The following EIF2A variants were observed in gnomAD, a reference collection of about 807,000 sequenced individuals.
The protein encoded by EIF2A is eukaryotic translation initiation factor 2A.
A neutral mutation model predicts 75.2 loss-of-function variants in EIF2A; 62 were observed. The observed-to-expected ratio is 0.82, with a 90% CI of 0.67 to 1.02. The LOEUF (loss-of-function observed/expected upper bound fraction) is 1.02, where lower values mean the gene tolerates loss of function less well. Ranked by LOEUF, EIF2A falls within the 50% of genes least tolerant of loss-of-function variation. The probability of loss-of-function intolerance (pLI) is 0.00; values close to 1 mark genes in which losing one functional copy is unlikely to be tolerated. For missense variants in EIF2A, 611 were observed against 677.7 expected (o/e 0.90, Z 1.09); for synonymous variants, 207 against 239.0 (o/e 0.87, Z 1.23).
Position 150,563,570 on chromosome 3 carries a change from TG to T in EIF2A, c.351del (p.Thr118HisfsTer3). On this transcript the variant is annotated frameshift_variant, in exon 5 of 14. Transcript: ENST00000460851. LOFTEE classifies it high-confidence loss of function. ...PNLQLYDVKT[G>X]TCLKSFIQKK... is the part of the protein sequence containing the mutation. ...ACCTACAACTTTATGATGTGAAAACTGGGACATGTTTGAAATCTTTCATCCA... is the reference window on the plus strand; with the variant it reads ...ACCTACAACTTTATGATGTGAAAACTGGACATGTTTGAAATCTTTCATCCA... The T allele has an allele frequency of 6.5e-7, 1 of 1,542,634 alleles. No individual in the cohort carries two copies. Among genetic ancestry groups the T allele is most frequent in the Non-Finnish European group, 8.7e-7 (1 of 1,145,224 alleles).
At chr3:150,561,795 A>T (rs1291006000) in intron 3 of EIF2A, among the ~76,000 whole-genome samples, 4 of 143,434 alleles carry the variant, frequency 2.8e-5, no homozygotes, top group Admixed American at 6.9e-5. Context: ...TAAAATATAC[A>T]TTTTTTTTTT....
In EIF2A at chr3:150,585,160, C is replaced by A. The variant is rs1725402390; in HGVS notation, c.*1249C>A. 6.6e-6 allele frequency among the ~76,000 whole-genome samples: 1 copy of A among 152,172 alleles called. No individual in the cohort carries two copies. The highest frequency in any genetic ancestry group is 1.5e-5 in the Non-Finnish European group (1 of 68,040). On this transcript the variant is annotated 3_prime_UTR_variant, in exon 14 of 14. Coordinates refer to ENST00000460851, the MANE Select transcript of EIF2A (RefSeq NM_032025.5). The stretch of plus-strand genomic sequence containing the variant: ...TCCTTCACCTCCTCCTTCCAAGTAT[C>A]TGACACTACAGGCTTGCATCACTAT...
At chr3:150,564,042 C>G (rs1486072162) in intron 5 of EIF2A, among the ~76,000 whole-genome samples, 8 of 152,110 alleles carry the variant, frequency 5.3e-5, no homozygotes, top group Admixed American at 4.6e-4. Context: ...TGGTCTTGAA[C>G]TCCTGACCTC....
chr3:150,549,682 A>C (rs1338813977), intron 1 of EIF2A, among the ~76,000 whole-genome samples: 1 of 152,124 alleles, frequency 6.6e-6, no homozygotes, highest in Non-Finnish European at 1.5e-5. Context: ...TGCTTGGCTC[A>C]CCTTTGTATC....
chr3:150,551,118 A>G (rs944913864), intron 1 of EIF2A, among the ~76,000 whole-genome samples: 1 of 152,180 alleles, frequency 6.6e-6, no homozygotes, highest in Non-Finnish European at 1.5e-5. Flanking sequence ...CTCAGTATAC[A>G]AAACACTTAA....
At chr3:150,567,152 T>G (rs904630727) in intron 6 of EIF2A, 1 of 152,244 alleles carries the variant, frequency 6.6e-6, no homozygotes, top group African/African-American at 2.4e-5. Flanking sequence ...TCTAATTAAC[T>G]AGAGTGGCAG....
In EIF2A at chr3:150,581,718, T is replaced by G. The variant is rs201947847; in HGVS notation, c.1598T>G (p.Ile533Arg). 6 of 1,557,130 alleles carry G rather than the reference T, an allele frequency of 3.9e-6. No individual in the cohort carries two copies. The highest frequency in any genetic ancestry group is 4.3e-6 in the Non-Finnish European group (5 of 1,149,898). Residue 533 changes from isoleucine (I) to arginine (R), a missense_variant, in exon 12 of 14, where the codon ATA (isoleucine) becomes AGA (arginine). Ile to Arg is a moderately conservative substitution (Grantham distance 97). Transcript: ENST00000460851. ...VSQSISGDPE[I>R]DKKIKNLKKK... ...CAGTCAATTTCTGGGGACCCTGAGATAGACAAAAAAATCAAGAACCTAAAG... is the reference window on the plus strand; with the variant it reads ...CAGTCAATTTCTGGGGACCCTGAGAGAGACAAAAAAATCAAGAACCTAAAG...
intron 10 of EIF2A, among the ~76,000 whole-genome samples, chr3:150,573,604 T>G (rs979139414): frequency 6.6e-6 from 1 of 152,188 alleles, no homozygotes; most frequent in African/African-American, 2.4e-5. Flanking sequence ...CTTTTTTATG[T>G]GGCGTGATGA....
intron 6 of EIF2A, chr3:150,566,896 C>T (rs903657630): frequency 1.3e-5 from 2 of 152,202 alleles, no homozygotes; most frequent in Non-Finnish European, 2.9e-5. Context: ...TTTGTTCACA[C>T]GTACCAAAGA....
chr3:150,553,732 A>G (rs573135861), intron 2 of EIF2A, among the ~76,000 whole-genome samples: 1 of 152,292 alleles, frequency 6.6e-6, no homozygotes, highest in East Asian at 1.9e-4. Context: ...TTTTTAACTG[A>G]AAGTTGATAT....
intron 4 of EIF2A, chr3:150,562,940 G>A: frequency 4.4e-6 from 1 of 225,932 alleles, no homozygotes; most frequent in Admixed American, 5.3e-5. Flanking sequence ...AATAACTGCT[G>A]GATAGAGATT....
At position 150,562,573 on chromosome 3, in the gene EIF2A, C is replaced by G; in HGVS notation, c.205C>G (p.Leu69Val). The G allele has an allele frequency of 6.2e-7, 1 of 1,613,456 alleles. No homozygotes were observed. Among genetic ancestry groups the G allele is most frequent in the Non-Finnish European group, 8.5e-7 (1 of 1,179,612 alleles). The change falls in exon 4 of 14, where the codon CTA becomes GTA. Residue 69 changes from leucine (L) to valine (V), a missense_variant. Physicochemically the swap from Leu to Val is conservative, Grantham distance 32 (BLOSUM62 1). Transcript: ENST00000460851. Reference sequence around the variant, plus strand: ...TATTATCAGTGTCACTAACAAGGGACTACTGCACTCCTTCGACCTCCTGAA... The same window carrying G: ...TATTATCAGTGTCACTAACAAGGGAGTACTGCACTCCTTCGACCTCCTGAA... ...VNIISVTNKGLLHSFDLLKAV... is the reference protein window; with the variant it reads ...VNIISVTNKGVLHSFDLLKAV...
chr3:150,552,843 AT>A (rs1212693533), intron 2 of EIF2A: 4 of 152,362 alleles, frequency 2.6e-5, no homozygotes, highest in Non-Finnish European at 2.9e-5. Context: ...AGCTAGATTA[AT>A]TTTTTTTTCC....
At chr3:150,557,922 A>C (rs1723653699) in intron 2 of EIF2A, among the ~76,000 whole-genome samples, 1 of 152,252 alleles carries the variant, frequency 6.6e-6, no homozygotes, top group Non-Finnish European at 1.5e-5. Context: ...ACACTAATGT[A>C]CATCTACATG....
chr3:150,561,173 G>A (rs184325280), intron 3 of EIF2A, among the ~76,000 whole-genome samples: 109 of 152,088 alleles, frequency 7.2e-4, no homozygotes, highest in Admixed American at 2.7e-3. Context: ...TATGTTGCCC[G>A]GGCTGGTTTT....
chr3:150,579,242 A>G (rs1373142144), intron 11 of EIF2A, among the ~76,000 whole-genome samples: 2 of 152,170 alleles, frequency 1.3e-5, no homozygotes, highest in Admixed American at 1.3e-4. Context: ...TTCTACTTTA[A>G]TTTTATATTG....
intron 3 of EIF2A, among the ~76,000 whole-genome samples, chr3:150,559,618 G>A (rs2107917519): frequency 6.7e-6 from 1 of 148,698 alleles, no homozygotes; most frequent in Non-Finnish European, 1.5e-5. Context: ...AGCCTCCCCA[G>A]TAGCTGAGAC....
intron 12 of EIF2A, 92 bp downstream of exon 12, chr3:150,581,838 TAAG>T: frequency 2.1e-6 from 3 of 1,444,906 alleles, no homozygotes; most frequent in Non-Finnish European, 2.8e-6. Context: ...GACAGGTATC[TAAG>T]AAGTTGGTAT....
Position 150,572,474 on chromosome 3 carries a change from C to A in EIF2A, c.1328C>A (p.Ala443Glu), listed in dbSNP as rs199699088. The change falls in exon 10 of 14, where the codon GCA becomes GAA. Residue 443 changes from alanine (A) to glutamate (E), a missense_variant. Coordinates refer to ENST00000460851, the MANE Select transcript of EIF2A (RefSeq NM_032025.5). ...SEVPNEEPKV[A>E]TAYRPPALRN... ...GTACCCAATGAGGAACCTAAAGTTG[C>A]AACAGCTTATAGACCCCCAGCTTTA... The A allele has an allele frequency of 1.2e-6, 2 of 1,613,948 alleles. No individual in the cohort carries two copies. The highest frequency in any genetic ancestry group is 1.7e-6 in the Non-Finnish European group (2 of 1,179,886).
Sources: allele counts gnomAD v4.1 joint callset (sites outside exome capture counted in the v4.1 genomes callset), GRCh38; gene constraint gnomAD v4.1.1; transcripts MANE v1.5; gene names NCBI Gene and HGNC (gene_info 2026-07-23, HGNC 2026-07-21).